The following CEP170 variants were observed in gnomAD, a reference collection of about 807,000 sequenced individuals.
The protein encoded by CEP170 is centrosomal protein 170.
Under a neutral mutation model 151.9 loss-of-function variants are expected in CEP170, and 21 were observed. The observed-to-expected ratio is 0.14, with a 90% confidence interval of 0.10 to 0.20. The LOEUF is 0.20. Ranked by LOEUF, CEP170 falls within the 10% of genes least tolerant of loss-of-function variation. The pLI, the probability that CEP170 is intolerant of heterozygous loss-of-function variation, is 1.00. For missense variants in CEP170, 964 were observed against 1,892.9 expected, an observed-to-expected ratio of 0.51 and a Z score of 9.11; for synonymous variants, 356 against 648.8, an observed-to-expected ratio of 0.55 and a Z score of 6.86.
chr1:243,135,115 ATACAT>A (rs1348261470), intron 17 of CEP170, among the ~76,000 whole-genome samples: 14 of 152,230 alleles, frequency 9.2e-5, no homozygotes, highest in Non-Finnish European at 2.1e-4. Context: ...ACGGTGCAGA[ATACAT>A]TACTTTTAAC....
intron 14 of CEP170, among the ~76,000 whole-genome samples, chr1:243,155,584 A>G (rs966372443): frequency 6.6e-6 from 1 of 152,170 alleles, no homozygotes; most frequent in Non-Finnish European, 1.5e-5. Context: ...GCTTGAGTAT[A>G]ATCTCTCTTC....
intron 1 of CEP170, among the ~76,000 whole-genome samples, chr1:243,229,023 G>A (rs921010898): frequency 3.9e-5 from 6 of 152,190 alleles, no homozygotes; most frequent in South Asian, 2.1e-4. Context: ...GCTACTGTCT[G>A]TTTTTATATG....
intron 1 of CEP170, among the ~76,000 whole-genome samples, chr1:243,230,499 C>CA (rs2063646034): frequency 6.6e-6 from 1 of 151,722 alleles, no homozygotes; most frequent in Admixed American, 6.6e-5. Context: ...AAACCATCAA[C>CA]AAAAAAATTA....
Position 243,166,012 on chromosome 1 carries a change from T to G in CEP170, c.1948A>C (p.Asn650His), listed in dbSNP as rs767741337. 6.2e-7 allele frequency: 1 copy of G among 1,613,324 alleles called. No individual in the cohort carries two copies. Among genetic ancestry groups the G allele is most frequent in the Middle Eastern group, 1.7e-4 (1 of 6,056 alleles). ...TGGCTCTCAAGAGACTTTTCTTCAT[T>G]TGGAAGCTGGGGAAGAGTTCGTCTC... is the stretch of plus-strand genomic sequence containing the variant. ...RRRRTLPQLP[N>H]EEKSLESHRA... The change falls in exon 13 of 20, where the codon AAT (asparagine) becomes CAT (histidine). Residue 650 changes from asparagine to histidine, a missense_variant. By Grantham distance (68) the Asn-to-His change is moderately conservative (BLOSUM62 1). Coordinates refer to ENST00000366542, the MANE Select transcript of CEP170 (RefSeq NM_014812.3).
At chr1:243,135,903 T>A (rs2055011928) in intron 17 of CEP170, 5 of 286,750 alleles carry the variant, frequency 1.7e-5, no homozygotes, top group Non-Finnish European at 3.4e-5. Context: ...ATTATAGGAA[T>A]CAGAAATAAG....
intron 1 of CEP170, among the ~76,000 whole-genome samples, chr1:243,232,776 GAAC>G (rs1449673513): frequency 2.6e-5 from 4 of 151,942 alleles, no homozygotes; most frequent in South Asian, 2.1e-4. Flanking sequence ...GGTGTTACTA[GAAC>G]AACAGGAGGT....
upstream of CEP170, among the ~76,000 whole-genome samples, chr1:243,255,582 C>G (rs532140462): frequency 6.6e-6 from 1 of 152,310 alleles, no homozygotes; most frequent in African/African-American, 2.4e-5. Flanking sequence ...ACAATCTAGG[C>G]TGTTTGGAAG....
chr1:243,207,998 C>G (rs2148885048), intron 4 of CEP170, among the ~76,000 whole-genome samples: 2 of 152,220 alleles, frequency 1.3e-5, no homozygotes, highest in Middle Eastern at 3.4e-3. Flanking sequence ...TGAGATGATT[C>G]TTCCCATTTT....
chr1:243,253,832 A>T (rs2066195696), intron 1 of CEP170, among the ~76,000 whole-genome samples: 1 of 152,222 alleles, frequency 6.6e-6, no homozygotes, highest in African/African-American at 2.4e-5. Context: ...TAAAATATGC[A>T]TTTTCAATCA....
intron 8 of CEP170, among the ~76,000 whole-genome samples, chr1:243,186,889 T>C (rs946856784): frequency 6.6e-6 from 1 of 152,198 alleles, no homozygotes; most frequent in African/African-American, 2.4e-5. Flanking sequence ...ATGGTAAAAA[T>C]GTGATGAATC....
rs183190431 is a variant in CEP170 at position 243,218,459 on chromosome 1, G to A, written c.195+3265C>T. Among the ~76,000 whole-genome samples, 6 of 152,280 alleles carry A rather than the reference G, an allele frequency of 3.9e-5. No homozygotes were observed. The East Asian group carries it at 1.2e-3, about 29-fold the overall frequency. ...CAATGGGTTTGCAGGAAAATGGCCC[G>A]TTAAAATATCAGCAACGGAACCGAC... On this transcript the variant is annotated intron_variant, in intron 3 of 19. Coordinates refer to ENST00000366542, the MANE Select transcript of CEP170 (RefSeq NM_014812.3).
At chr1:243,132,809 G>T (rs2054577415) in intron 17 of CEP170, among the ~76,000 whole-genome samples, 1 of 152,180 alleles carries the variant, frequency 6.6e-6, no homozygotes, top group Non-Finnish European at 1.5e-5. Context: ...AAATGAATGA[G>T]TGGTTAAGAC....
chr1:243,241,318 C>T (rs1289344076), intron 1 of CEP170, among the ~76,000 whole-genome samples: 3 of 152,156 alleles, frequency 2.0e-5, no homozygotes, highest in East Asian at 1.9e-4. Flanking sequence ...GCAATTTAAT[C>T]GCCTTATAAA....
chr1:243,193,911 T>C (rs1423421607), intron 7 of CEP170, among the ~76,000 whole-genome samples: 1 of 151,940 alleles, frequency 6.6e-6, no homozygotes, highest in Non-Finnish European at 1.5e-5. Context: ...ATCATGTAAG[T>C]TACCCAGAAC....
chr1:243,209,687 T>G (rs2061651842), intron 4 of CEP170, among the ~76,000 whole-genome samples: 1 of 149,976 alleles, frequency 6.7e-6, no homozygotes, highest in African/African-American at 2.4e-5. Flanking sequence ...AACAGATGGT[T>G]TTTTTTTTTT....
At chr1:243,234,191 G>A (rs2149083953) in intron 1 of CEP170, among the ~76,000 whole-genome samples, 2 of 152,232 alleles carry the variant, frequency 1.3e-5, no homozygotes, top group South Asian at 4.1e-4. Context: ...GGTCTACACA[G>A]TAGAGAAAGA....
intron 13 of CEP170, among the ~76,000 whole-genome samples, chr1:243,161,345 A>G (rs1156269265): frequency 2.0e-5 from 3 of 152,166 alleles, no homozygotes; most frequent in African/African-American, 4.8e-5. Context: ...TTTTGGGGAA[A>G]AAAAAACTAG....
At chr1:243,248,854 G>GCA (rs1362261305) in intron 1 of CEP170, among the ~76,000 whole-genome samples, 2 of 152,048 alleles carry the variant, frequency 1.3e-5, no homozygotes, top group African/African-American at 2.4e-5. Flanking sequence ...CCTCCTATAA[G>GCA]CACCTTTTCC....
Position 243,175,941 on chromosome 1 carries a change from C to T in CEP170, c.1567-3095G>A, listed in dbSNP as rs1317822860. Among the ~76,000 whole-genome samples, 10 of 152,046 alleles carry T rather than the reference C, an allele frequency of 6.6e-5. No individual in the cohort carries two copies. The East Asian group carries it at 1.7e-3, about 26-fold the overall frequency. Reference sequence around the variant, plus strand: ...CCTCCCGAGTAGCTGGGACTACAGGCGCCCGCCACTACGCCTGGCTAATTT... The same window carrying T: ...CCTCCCGAGTAGCTGGGACTACAGGTGCCCGCCACTACGCCTGGCTAATTT... On this transcript the variant is annotated intron_variant, in intron 10 of 19. Coordinates refer to ENST00000366542, the MANE Select transcript of CEP170 (RefSeq NM_014812.3).
Sources: allele counts gnomAD v4.1 joint callset (sites outside exome capture counted in the v4.1 genomes callset), GRCh38; gene constraint gnomAD v4.1.1; transcripts MANE v1.5; gene names NCBI Gene and HGNC (gene_info 2026-07-23, HGNC 2026-07-21).